C21orf58: variants seen among roughly 807,000 people sequenced by gnomAD.
C21orf58 encodes chromosome 21 open reading frame 58.
In C21orf58, 34 loss-of-function variants were observed where a neutral mutation model predicts 35.8. The observed-to-expected ratio is 0.95, with a 90% CI of 0.72 to 1.26. The LOEUF is 1.26. Among genes scored for constraint, C21orf58 ranks in the 50% most tolerant of loss-of-function variants. The probability of loss-of-function intolerance (pLI) is 0.00; values close to 1 mark genes in which losing one functional copy is unlikely to be tolerated. For synonymous variants in C21orf58, 191 were observed against 175.8 expected (o/e 1.09, Z -0.68); for missense variants, 440 against 414.3 (o/e 1.06, Z -0.54).
Position 46,301,862 on chromosome 21 carries a change from G to GC in C21orf58, c.*136dup. ...TGCCCAGCTTCCCCAGGAGGAGCCT[G>GC]CAGTCCACACTCGCGTAGCCACTCC... On this transcript the variant is annotated 3_prime_UTR_variant, in exon 8 of 8. Coordinates refer to ENST00000291691, the MANE Select transcript of C21orf58 (RefSeq NM_058180.5). 1 of 1,288,452 alleles carries GC rather than the reference G, an allele frequency of 7.8e-7. No homozygotes were observed. The highest frequency in any genetic ancestry group is 9.8e-7 in the Non-Finnish European group (1 of 1,020,264). The allele number at this position is 1,288,452 out of a possible 1,614,324, so 79.8% of individuals were successfully genotyped here. A position where few individuals can be genotyped will look rare whatever the true frequency, so the allele number is the denominator to read the frequency against.
At chr21:46,300,508 G>A (rs778298137), downstream of C21orf58, 95 of 338,118 alleles carry the variant, frequency 2.8e-4, no homozygotes, top group Non-Finnish European at 4.1e-4. Flanking sequence ...TGGAGTCTGA[G>A]CTTTGGTTTG....
intron 6 of C21orf58, among the ~76,000 whole-genome samples, chr21:46,309,545 TAACA>T (rs2082578483): frequency 6.6e-6 from 1 of 151,842 alleles, no homozygotes; most frequent in African/African-American, 2.4e-5. Context: ...GGTGAATGCA[TAACA>T]AACTGATATA....
At chr21:46,315,258 G>C (rs2082929485) in intron 4 of C21orf58, 3 of 593,712 alleles carry the variant, frequency 5.1e-6, no homozygotes, top group Non-Finnish European at 9.0e-6. Flanking sequence ...CAGAATTTCA[G>C]GTCCTCCTGG....
rs1198190021 is a variant in C21orf58 at position 46,302,087 on chromosome 21, T to C, written c.881A>G (p.His294Arg). 42 of 1,533,238 alleles carry C rather than the reference T, an allele frequency of 2.7e-5. No individual in the cohort carries two copies. The highest frequency in any genetic ancestry group is 3.6e-5 in the Non-Finnish European group (41 of 1,140,076). 95.0% of individuals were successfully genotyped at this position (1,533,238 alleles called of 1,614,324 possible). The change falls in exon 8 of 8, where the codon CAC (histidine) becomes CGC (arginine). Residue 294 changes from histidine to arginine, a missense_variant. Coordinates refer to ENST00000291691, the MANE Select transcript of C21orf58 (RefSeq NM_058180.5). ...CCACACAGCATGGTGGTGGTGGTGG[T>C]GGTGGTGCACGGCAGGCAGCCTTGG... ...ARPRLPAVHH[H>R]HHHHHAVWPP...
intron 6 of C21orf58, among the ~76,000 whole-genome samples, chr21:46,304,751 C>A (rs925333996): frequency 6.6e-6 from 1 of 152,112 alleles, no homozygotes; most frequent in Non-Finnish European, 1.5e-5. Context: ...GGCATGCGTT[C>A]CATTAGAGGG....
chr21:46,305,922 A>T (rs1003305241), intron 6 of C21orf58, among the ~76,000 whole-genome samples: 1 of 151,074 alleles, frequency 6.6e-6, no homozygotes. Flanking sequence ...AGCCTGGCAG[A>T]CAGCGAGACT....
In C21orf58 at chr21:46,318,254, C is replaced by G. The variant is rs75652209; in HGVS notation, c.101-34G>C. On this transcript the variant is annotated intron_variant, in intron 1 of 7. Transcript: ENST00000291691. ...AGAGAAGAGCCCTGTGGGAAGATAG[C>G]CACACCCTCCCTGGACTGCAGTGCC... 334 of 1,608,634 alleles carry G rather than the reference C, an allele frequency of 2.1e-4. 1 individual carries two copies. The East Asian group carries it at 5.5e-3, about 26-fold the overall frequency.
At position 46,301,410 on chromosome 21, in the gene C21orf58, G is replaced by A. The variant is rs1299898151; in HGVS notation, c.*589C>T. ...GATCCTCCTGCCTCAGCCTCTTAAAGTGCTGGGATTACAGGCATGAGCCAT... is the reference window on the plus strand; with the variant it reads ...GATCCTCCTGCCTCAGCCTCTTAAAATGCTGGGATTACAGGCATGAGCCAT... On this transcript the variant is annotated 3_prime_UTR_variant, in exon 8 of 8. Transcript: ENST00000291691. 1.1e-6 allele frequency: 1 copy of A among 924,614 alleles called. No individual in the cohort carries two copies. The highest frequency in any genetic ancestry group is 1.3e-6 in the Non-Finnish European group (1 of 774,632). The allele number at this position is 924,614 out of a possible 1,614,324, so 57.3% of individuals were successfully genotyped here.
chr21:46,305,327 CTTTTTTT>C (rs35138310), intron 6 of C21orf58, among the ~76,000 whole-genome samples: 2 of 109,188 alleles, frequency 1.8e-5, no homozygotes, highest in African/African-American at 3.6e-5. Flanking sequence ...ACAAATTAAT[CTTTTTTT>C]TTTTTTTTTT....
At chr21:46,317,033 G>A (rs1004447273) in intron 3 of C21orf58, among the ~76,000 whole-genome samples, 175 bp downstream of exon 3, 2 of 152,216 alleles carry the variant, frequency 1.3e-5, no homozygotes, top group Admixed American at 6.5e-5. Context: ...ATAAGGAATG[G>A]GGGTGTCTTC....
At chr21:46,321,807 T>C (rs1352256494) in intron 1 of C21orf58, among the ~76,000 whole-genome samples, 1 of 151,764 alleles carries the variant, frequency 6.6e-6, no homozygotes, top group Admixed American at 6.6e-5. Flanking sequence ...TTGCACTCTT[T>C]GGGAGGAAGT....
chr21:46,323,866 T>A lies in C21orf58; in HGVS notation c.-1128A>T, dbSNP rs3810592. On this transcript the variant is annotated 5_prime_UTR_variant, in exon 1 of 8. The change creates a new upstream start codon in the 5' untranslated region. Coordinates refer to ENST00000291691, the MANE Select transcript of C21orf58 (RefSeq NM_058180.5). Reference sequence around the variant, plus strand: ...CCCGCGCGGGACCAGCAGCGCGAACTTTTTGCCGCTCGGCCAGCCTGGCAG... The same window carrying A: ...CCCGCGCGGGACCAGCAGCGCGAACATTTTGCCGCTCGGCCAGCCTGGCAG... 2.6e-6 allele frequency: 1 copy of A among 377,570 alleles called. No homozygotes were observed. Among genetic ancestry groups the A allele is most frequent in the South Asian group, 2.3e-5 (1 of 43,248 alleles). The allele number at this position is 377,570 out of a possible 1,614,324, so 23.4% of individuals were successfully genotyped here. A position where few individuals can be genotyped will look rare whatever the true frequency, so the allele number is the denominator to read the frequency against.
intron 6 of C21orf58, among the ~76,000 whole-genome samples, chr21:46,305,041 G>A (rs532603951): frequency 1.4e-4 from 22 of 152,282 alleles, no homozygotes; most frequent in African/African-American, 5.1e-4. Flanking sequence ...TGGTTGCCAG[G>A]CACTGGCAGG....
chr21:46,306,373 C>T (rs2145955045), intron 6 of C21orf58, among the ~76,000 whole-genome samples: 1 of 149,916 alleles, frequency 6.7e-6, no homozygotes, highest in Non-Finnish European at 1.5e-5. Flanking sequence ...GTGGCACACG[C>T]CTGTAGTCCC....
intron 3 of C21orf58, among the ~76,000 whole-genome samples, chr21:46,315,781 C>G (rs2082953428): frequency 6.6e-6 from 1 of 152,148 alleles, no homozygotes; most frequent in East Asian, 1.9e-4. Context: ...GAACTCAGTG[C>G]TGGAGGATGG....
intron 6 of C21orf58, among the ~76,000 whole-genome samples, chr21:46,306,268 G>A (rs2082413811): frequency 6.6e-6 from 1 of 152,144 alleles, no homozygotes; most frequent in South Asian, 2.1e-4. Flanking sequence ...CAGCACTTTG[G>A]GAGGCTGAGG....
At chr21:46,303,710 TATATATA>T (rs2082240736) in intron 6 of C21orf58, among the ~76,000 whole-genome samples, 1 of 36,084 alleles carries the variant, frequency 2.8e-5, no homozygotes, top group South Asian at 1.1e-3. Flanking sequence ...ACACACAAAA[TATATATA>T]TATATATATA....
chr21:46,318,638 A>G (rs1204037267), intron 1 of C21orf58: 2 of 1,088,820 alleles, frequency 1.8e-6, no homozygotes, highest in Non-Finnish European at 2.2e-6. Flanking sequence ...GTGGGGAGAC[A>G]CTGGGAGGAC....
downstream of C21orf58, chr21:46,301,095 T>A (rs981702390): frequency 9.9e-7 from 1 of 1,012,574 alleles, no homozygotes; most frequent in Non-Finnish European, 1.2e-6. Flanking sequence ...CTTTTTTTTT[T>A]TTATTAACTC....
Sources: allele counts gnomAD v4.1 joint callset (sites outside exome capture counted in the v4.1 genomes callset), GRCh38; gene constraint gnomAD v4.1.1; transcripts MANE v1.5; gene names NCBI Gene and HGNC (gene_info 2026-07-23, HGNC 2026-07-21).